Variants in PPY observed in about 807,000 individuals in gnomAD.
PPY encodes pancreatic polypeptide prohormone.
PPY carries 6 observed loss-of-function variants against 9.3 expected under a neutral mutation model. The observed-to-expected ratio is 0.64, with a 90% CI of 0.35 to 1.27. PPY has a LOEUF of 1.27. PPY is among the 50% of genes most tolerant of loss of function. The pLI, the probability that PPY is intolerant of heterozygous loss-of-function variation, is 0.03. For missense variants in PPY, 109 were observed against 119.1 expected (o/e 0.91, Z 0.40); for synonymous variants, 58 against 54.6 (o/e 1.06, Z -0.27).
chr17:43,943,745 C>G (rs2048592771), upstream of PPY, among the ~76,000 whole-genome samples: 1 of 152,142 alleles, frequency 6.6e-6, no homozygotes, highest in African/African-American at 2.4e-5. Flanking sequence ...AGGTGAAACT[C>G]CAGGGATCTG....
rs2048580202 is a variant in PPY at position 43,941,677 on chromosome 17, G to A, written c.1-23C>T. ...CATCTGAGGAGCAAGCAGAGGGGAGGTGGAGAGCCCGGGCTGCAGATTTTC... is the reference window on the plus strand; with the variant it reads ...CATCTGAGGAGCAAGCAGAGGGGAGATGGAGAGCCCGGGCTGCAGATTTTC... On this transcript the variant is annotated intron_variant, in intron 1 of 3. Coordinates refer to ENST00000225992, the MANE Select transcript of PPY (RefSeq NM_002722.5). 3.8e-6 allele frequency: 6 copies of A among 1,574,418 alleles called. No individual in the cohort carries two copies. The South Asian group carries it at 5.7e-5, about 15-fold the overall frequency.
In PPY at chr17:43,941,039, C is replaced by T. The variant is rs2048571994; in HGVS notation, c.264-87G>A. ...CAGGCTGGCCCTGGGCTCCTGTTCTCCCTCTTCCACCCCCCACTACACCTT... is the reference window on the plus strand; with the variant it reads ...CAGGCTGGCCCTGGGCTCCTGTTCTTCCTCTTCCACCCCCCACTACACCTT... On this transcript the variant is annotated intron_variant, in intron 3 of 3. Transcript: ENST00000225992. The T allele has an allele frequency of 1.9e-6, 3 of 1,548,396 alleles. No homozygotes were observed. The South Asian group carries it at 3.6e-5, about 18-fold the overall frequency.
intron 2 of PPY, 47 bp from the exon 3 acceptor site, chr17:43,941,261 G>T: frequency 1.9e-6 from 3 of 1,543,002 alleles, no homozygotes. Flanking sequence ...CCAGGTGCCA[G>T]CCCACCTGTT....
rs546669654 is a variant in PPY at position 43,941,655 on chromosome 17, C to T, written c.1-1G>A. 6.3e-7 allele frequency: 1 copy of T among 1,598,602 alleles called. No homozygotes were observed. Among genetic ancestry groups the T allele is most frequent in the East Asian group, 2.2e-5 (1 of 44,574 alleles). ...AGAGGCAGAGGCGTGCGGCAGCCAT[C>T]TGAGGAGCAAGCAGAGGGGAGGTGG... On this transcript the variant is annotated splice_acceptor_variant, in intron 1 of 3. Transcript: ENST00000225992. LOFTEE classifies it low-confidence loss of function (5UTR_SPLICE).
chr17:43,941,190 G>T lies in PPY; in HGVS notation c.216C>A (p.Asp72Glu). Residue 72 changes from aspartate to glutamate, a missense_variant, in exon 3 of 4, where the codon GAC (aspartate) becomes GAA (glutamate). Transcript: ENST00000225992. ...ACCCCCACTCCGAGAAGGCCAGCGT[G>T]TCCTCTTTGTGTCTTTTCCCATACC... Reference protein sequence around the residue: ...RPRYGKRHKEDTLAFSEWGSP... With the variant: ...RPRYGKRHKEETLAFSEWGSP... 6.4e-7 allele frequency: 1 copy of T among 1,551,684 alleles called. No individual in the cohort carries two copies. The highest frequency in any genetic ancestry group is 8.7e-7 in the Non-Finnish European group (1 of 1,146,998).
chr17:43,944,075 G>A (rs1423000504), upstream of PPY, among the ~76,000 whole-genome samples: 1 of 152,226 alleles, frequency 6.6e-6, no homozygotes, highest in African/African-American at 2.4e-5. Flanking sequence ...CTGGACTGAG[G>A]TTTTCCACTT....
At chr17:43,942,500 G>A (rs113845875), upstream of PPY, 1,166 of 152,406 alleles carry the variant, frequency 7.7e-3, 8 homozygotes, top group Non-Finnish European at 0.01. This position sits in a 1 kb window ranked among gnomAD's most constrained non-coding sequence, Gnocchi z 5.3. Context: ...CGGCTGGGCC[G>A]CTTTATAGTC....
Position 43,941,555 on chromosome 17 carries a change from G to A in PPY, c.100C>T (p.Pro34Ser), listed in dbSNP as rs777267761. Reference protein sequence around the residue: ...LLGAQGAPLEPVYPGDNATPE... With the variant: ...LLGAQGAPLESVYPGDNATPE... ...GTGGCATTGTCCCCTGGGTACACTG[G>A]CTCCAGTGGGGCTCCCTGGGCACCC... The change falls in exon 2 of 4, where the codon CCA becomes TCA. Residue 34 changes from proline to serine, a missense_variant. Transcript: ENST00000225992. 1.2e-6 allele frequency: 2 copies of A among 1,613,890 alleles called. No homozygotes were observed. The highest frequency in any genetic ancestry group is 1.7e-6 in the Non-Finnish European group (2 of 1,180,014).
chr17:43,940,829 T>G lies in PPY; in HGVS notation c.*99A>C. ...TGGCTTTGACTTGCTTTATTGAGCC[T>G]GTGTGGGAGCAGGGAGCAAGCTTTG... On this transcript the variant is annotated 3_prime_UTR_variant, in exon 4 of 4. Transcript: ENST00000225992. 6.8e-7 allele frequency: 1 copy of G among 1,476,526 alleles called. No homozygotes were observed. The highest frequency in any genetic ancestry group is 9.3e-7 in the Non-Finnish European group (1 of 1,078,362). 91.5% of individuals were successfully genotyped at this position (1,476,526 alleles called of 1,614,324 possible). A position where few individuals can be genotyped will look rare whatever the true frequency, so the allele number is the denominator to read the frequency against.
In PPY at chr17:43,941,565, G is replaced by C. The variant is rs1213669287; in HGVS notation, c.90C>G (p.Ala30=). The stretch of plus-strand genomic sequence containing the variant: ...CCCCTGGGTACACTGGCTCCAGTGG[G>C]GCTCCCTGGGCACCCAGCAGTGGCT... ...LLQPLLGAQG[A]PLEPVYPGDN... Residue 30 remains alanine, a synonymous_variant, in exon 2 of 4, where the codon GCC becomes GCG. Transcript: ENST00000225992. 1 of 1,613,800 alleles carries C rather than the reference G, an allele frequency of 6.2e-7. No individual in the cohort carries two copies. The highest frequency in any genetic ancestry group is 8.5e-7 in the Non-Finnish European group (1 of 1,180,018).
At chr17:43,943,707 G>A (rs115177253), upstream of PPY, among the ~76,000 whole-genome samples, 6 of 152,168 alleles carry the variant, frequency 3.9e-5, no homozygotes, top group African/African-American at 1.2e-4. Context: ...TGGGAGATGG[G>A]GGGGACTGTT....
At chr17:43,942,496 G>A (rs936062975), upstream of PPY, 1 of 152,256 alleles carries the variant, frequency 6.6e-6, no homozygotes, top group Non-Finnish European at 1.5e-5. This position sits in a 1 kb window ranked among gnomAD's most constrained non-coding sequence, Gnocchi z 5.3. Context: ...CCCTCGGCTG[G>A]GCCGCTTTAT....
chr17:43,941,685 C>T (rs1366398457), intron 1 of PPY, 31 bp from the exon 2 acceptor site: 2 of 1,556,922 alleles, frequency 1.3e-6, no homozygotes, highest in African/African-American at 1.4e-5. Context: ...AGGTGGAGAG[C>T]CCGGGCTGCA....
At position 43,941,499 on chromosome 17, in the gene PPY, A is replaced by G. The variant is rs766485429; in HGVS notation, c.156T>C (p.Asp52=). Residue 52 remains aspartate (D), a synonymous_variant, in exon 2 of 4, where the codon GAT becomes GAC. Coordinates refer to ENST00000225992, the MANE Select transcript of PPY (RefSeq NM_002722.5). The part of the protein sequence containing the change: ...TPEQMAQYAA[D]LRRYINMLTR... ...TCAGCATGTTGATGTATCTACGGAGATCAGCTGCATACTGGGCCATCTGCT... is the reference window on the plus strand; with the variant it reads ...TCAGCATGTTGATGTATCTACGGAGGTCAGCTGCATACTGGGCCATCTGCT... 1 of 1,613,946 alleles carries G rather than the reference A, an allele frequency of 6.2e-7. No homozygotes were observed. The highest frequency in any genetic ancestry group is 8.5e-7 in the Non-Finnish European group (1 of 1,180,000).
At chr17:43,941,073 C>T in intron 3 of PPY, 70 bp downstream of exon 3, 1 of 1,547,256 alleles carries the variant, frequency 6.5e-7, no homozygotes, top group East Asian at 2.4e-5. Context: ...TTTCCAAGCC[C>T]TGATTCAGTC....
chr17:43,944,017 C>G (rs2048594146), upstream of PPY, among the ~76,000 whole-genome samples: 1 of 152,214 alleles, frequency 6.6e-6, no homozygotes, highest in Admixed American at 6.5e-5. Context: ...TTACATTCCA[C>G]AAAGCAAATA....
Position 43,942,176 on chromosome 17 carries a change from CA to C in PPY, c.-1+244del, listed in dbSNP as rs1320324531. On this transcript the variant is annotated intron_variant, in intron 1 of 3. Transcript: ENST00000225992. The surrounding 1 kb of genome is among the most constrained non-coding windows in gnomAD (Gnocchi z 5.3). The stretch of plus-strand genomic sequence containing the variant: ...AGCAAAGGCACTCACACAGGGACCC[CA>C]GTCACTCACAAGGTCACAGTCACAC... 1.2e-5 allele frequency: 2 copies of C among 172,292 alleles called. No individual in the cohort carries two copies. The highest frequency in any genetic ancestry group is 2.5e-5 in the Non-Finnish European group (2 of 78,754). The allele number at this position is 172,292 out of a possible 1,614,324, so 10.7% of individuals were successfully genotyped here. A position where few individuals can be genotyped will look rare whatever the true frequency, so the allele number is the denominator to read the frequency against.
chr17:43,943,751 A>G (rs922754716), upstream of PPY, among the ~76,000 whole-genome samples: 4 of 152,086 alleles, frequency 2.6e-5, no homozygotes, highest in East Asian at 1.9e-4. Context: ...AACTCCAGGG[A>G]TCTGGCAGGG....
Position 43,940,934 on chromosome 17 carries a change from G to A in PPY, c.282C>T (p.Asp94=). Residue 94 remains aspartate (D), a synonymous_variant, in exon 4 of 4, where the codon GAC becomes GAT. Coordinates refer to ENST00000225992, the MANE Select transcript of PPY (RefSeq NM_002722.5). ...TAGGAGACAGAAGGTGGCATTATAA[G>A]TCCAGCGGGCTGAGCTCCCTGTGAG... ...AAVPRELSPL[D]L The A allele has an allele frequency of 6.2e-7, 1 of 1,608,164 alleles. No individual in the cohort carries two copies. The highest frequency in any genetic ancestry group is 1.1e-5 in the South Asian group (1 of 89,368).
Sources: allele counts gnomAD v4.1 joint callset (sites outside exome capture counted in the v4.1 genomes callset), GRCh38; gene constraint gnomAD v4.1.1; non-coding constraint Gnocchi (gnomAD v3.1); transcripts MANE v1.5; gene names NCBI Gene and HGNC (gene_info 2026-07-23, HGNC 2026-07-21).